RPLP0: variants seen among roughly 807,000 people sequenced by gnomAD.
RPLP0 encodes the protein large ribosomal subunit protein uL10.
For synonymous variants in RPLP0, 137 were observed against 153.4 expected, an observed-to-expected ratio of 0.89 and a Z score of 0.79; for missense variants, 276 against 402.9, an observed-to-expected ratio of 0.69 and a Z score of 2.70.
chr12:120,200,244 C>T (rs1879375805), intron 2 of RPLP0: 1 of 382,160 alleles, frequency 2.6e-6, no homozygotes, highest in Non-Finnish European at 5.2e-6. Flanking sequence ...GAAGGTGGAT[C>T]ATGAAGTCAA....
At position 120,197,622 on chromosome 12, in the gene RPLP0, C is replaced by T. The variant is rs563125270; in HGVS notation, c.652-160G>A. 144 of 762,278 alleles carry T rather than the reference C, an allele frequency of 1.9e-4. 1 individual carries two copies. The South Asian group carries it at 2.5e-3, about 13-fold the overall frequency. The allele number at this position is 762,278 out of a possible 1,614,324, so 47.2% of individuals were successfully genotyped here. A position where few individuals can be genotyped will look rare whatever the true frequency, so the allele number is the denominator to read the frequency against. ...CTCATACCAAATGCTCCTGGCAGAG[C>T]AATTCAGCCCCATCAAATAAATTTT... On this transcript the variant is annotated intron_variant, in intron 6 of 7. Transcript: ENST00000392514.
rs1210199630 is a variant in RPLP0 at position 120,197,410 on chromosome 12, G to A, written c.704C>T (p.Ala235Val). 6 of 1,613,922 alleles carry A rather than the reference G, an allele frequency of 3.7e-6. No homozygotes were observed. The highest frequency in any genetic ancestry group is 3.3e-5 in the Admixed American group (2 of 60,008). ...GTTGATGATAGAATGGGGTACTGAT[G>A]CAACAGTTGGGTAGCCAATCTGCAG... ...VCLQIGYPTV[A>V]SVPHSIINGY... Residue 235 changes from alanine to valine, a missense_variant, in exon 7 of 8, where the codon GCA becomes GTA. By Grantham distance (64) the Ala-to-Val change is moderately conservative (BLOSUM62 0). Transcript: ENST00000392514.
intron 1 of RPLP0, 100 bp from the exon 2 acceptor site, chr12:120,200,931 G>C: frequency 1.5e-6 from 2 of 1,363,882 alleles, no homozygotes; most frequent in South Asian, 3.1e-5. Flanking sequence ...CGCCGGCCCT[G>C]CCTAGGGCAG....
chr12:120,197,850 A>G (rs1376620647), intron 6 of RPLP0: 2 of 186,286 alleles, frequency 1.1e-5, no homozygotes, highest in Non-Finnish European at 2.3e-5. Context: ...AGCTAATAAT[A>G]TCTAATTATA....
In RPLP0 at chr12:120,196,913, G is replaced by T. The variant is rs760998491; in HGVS notation, c.814C>A (p.Pro272Thr). Residue 272 changes from proline (P) to threonine (T), a missense_variant, in exon 8 of 8, where the codon CCA (proline) becomes ACA (threonine). Physicochemically the swap from Pro to Thr is conservative, Grantham distance 38. Transcript: ENST00000392514. ...AEKVKAFLAD[P>T]SAFVAAAPVA... ...GGGGCAGCAGCCACAAAGGCAGATGGATCAGCCAAGAAGGCCTTGACCTGA... is the reference window on the plus strand; with the variant it reads ...GGGGCAGCAGCCACAAAGGCAGATGTATCAGCCAAGAAGGCCTTGACCTGA... The T allele has an allele frequency of 1.2e-6, 2 of 1,613,294 alleles. No individual in the cohort carries two copies. The highest frequency in any genetic ancestry group is 2.2e-5 in the South Asian group (2 of 90,926).
rs1879289516 is a variant in RPLP0, at chr12:120,198,869, G to A, written c.450C>T (p.Gly150=). The A allele has an allele frequency of 6.2e-7, 1 of 1,614,096 alleles. No individual in the cohort carries two copies. Among genetic ancestry groups the A allele is most frequent in the Non-Finnish European group, 8.5e-7 (1 of 1,179,964 alleles). Reference sequence around the variant, plus strand: ...GTCCACTCACCAGGATTTCAATGGTGCCCCTGGAGATTTTAGTGGTGATAC... The same window carrying A: ...GTCCACTCACCAGGATTTCAATGGTACCCCTGGAGATTTTAGTGGTGATAC... ...ALGITTKISR[G]TIEILSDVQL... is the part of the protein sequence containing the mutation. The change falls in exon 5 of 8, where the codon GGC becomes GGT. Residue 150 remains glycine, a synonymous_variant. Coordinates refer to ENST00000392514, the MANE Select transcript of RPLP0 (RefSeq NM_001002.4). This position sits in a 1 kb window ranked among gnomAD's most constrained non-coding sequence, Gnocchi z 4.1.
rs762276988 is a variant in RPLP0 at position 120,199,103 on chromosome 12, C to A, written c.318+15G>T. On this transcript the variant is annotated intron_variant, in intron 4 of 7. Transcript: ENST00000392514. Reference sequence around the variant, plus strand: ...AACAACAAAGTCTCTTTAGCCAACCCAATTGTCCCCTTACCTTATTGGCCA... The same window carrying A: ...AACAACAAAGTCTCTTTAGCCAACCAAATTGTCCCCTTACCTTATTGGCCA... The A allele has an allele frequency of 6.2e-7, 1 of 1,611,764 alleles. No homozygotes were observed. Among genetic ancestry groups the A allele is most frequent in the Non-Finnish European group, 8.5e-7 (1 of 1,177,864 alleles).
In RPLP0 at chr12:120,196,951, A is replaced by C. The variant is rs1329827555; in HGVS notation, c.793-17T>G. ...GGCCTTGACCTGAAAGGAGGGGGGA[A>C]GTGGTCAAAATGGTCATCCACACTC... is the stretch of plus-strand genomic sequence containing the variant. On this transcript the variant is annotated splice_polypyrimidine_tract_variant and intron_variant, in intron 7 of 7. Transcript: ENST00000392514. 4 of 1,612,786 alleles carry C rather than the reference A, an allele frequency of 2.5e-6. No homozygotes were observed. The highest frequency in any genetic ancestry group is 1.8e-4 in the Middle Eastern group (1 of 5,466).
At chr12:120,197,047 T>C (rs1393703909) in intron 7 of RPLP0, 113 bp from the exon 8 acceptor site, 6 of 1,545,282 alleles carry the variant, frequency 3.9e-6, no homozygotes, top group Admixed American at 1.8e-5. Context: ...GTGTGAAGCC[T>C]TTCCTGTCAG....
rs376911813 is a variant in RPLP0 at position 120,200,815 on chromosome 12, G to A, written c.-32C>T. On this transcript the variant is annotated 5_prime_UTR_variant, in exon 2 of 8. Transcript: ENST00000392514. ...GGTGCGTCAGGGATTGCCACGCAGG[G>A]TTTAAAGACGATGTCACTGAGGAGA... 7.2e-5 allele frequency: 115 copies of A among 1,605,464 alleles called. No homozygotes were observed. The highest frequency in any genetic ancestry group is 9.1e-5 in the Non-Finnish European group (107 of 1,176,938).
chr12:120,200,359 A>G (rs759052218), intron 2 of RPLP0: 9 of 323,938 alleles, frequency 2.8e-5, no homozygotes, highest in Non-Finnish European at 5.4e-5. Context: ...GCTACTCGGG[A>G]GGCTGAAGCA....
rs1278508805 is a variant in RPLP0 at position 120,197,403 on chromosome 12, T to C, written c.711A>G (p.Val237=). ...LQIGYPTVAS[V]PHSIINGYKR... is the part of the protein sequence containing the mutation. Reference sequence around the variant, plus strand: ...TGTACCCGTTGATGATAGAATGGGGTACTGATGCAACAGTTGGGTAGCCAA... The same window carrying C: ...TGTACCCGTTGATGATAGAATGGGGCACTGATGCAACAGTTGGGTAGCCAA... Residue 237 remains valine (V), a synonymous_variant, in exon 7 of 8, where the codon GTA becomes GTG. Transcript: ENST00000392514. 1.2e-6 allele frequency: 2 copies of C among 1,613,784 alleles called. No individual in the cohort carries two copies. The highest frequency in any genetic ancestry group is 2.2e-5 in the East Asian group (1 of 44,880).
Position 120,199,214 on chromosome 12 carries a change from A to G in RPLP0, c.231-9T>C. Reference sequence around the variant, plus strand: ...GGATATGAGGCAGCAGTCTGCAAAGAGAAGTTTATGGGAGACAATCACCTT... The same window carrying G: ...GGATATGAGGCAGCAGTCTGCAAAGGGAAGTTTATGGGAGACAATCACCTT... On this transcript the variant is annotated splice_polypyrimidine_tract_variant and intron_variant, in intron 3 of 7. Coordinates refer to ENST00000392514, the MANE Select transcript of RPLP0 (RefSeq NM_001002.4). The G allele has an allele frequency of 1.2e-6, 2 of 1,613,866 alleles. No individual in the cohort carries two copies. The highest frequency in any genetic ancestry group is 1.7e-6 in the Non-Finnish European group (2 of 1,179,706).
chr12:120,198,385 CCAAA>C lies in RPLP0; in HGVS notation c.651+165_651+168del. On this transcript the variant is annotated intron_variant, in intron 6 of 7. Transcript: ENST00000392514. This position sits in a 1 kb window ranked among gnomAD's most constrained non-coding sequence, Gnocchi z 4.1. Reference sequence around the variant, plus strand: ...TGGGCGACACAGCAAGACTCTGTCTCCAAAAAAAAAAAAAAAAAATCCTTCAACA... The same window carrying C: ...TGGGCGACACAGCAAGACTCTGTCTCAAAAAAAAAAAAAAATCCTTCAACA... 1 of 679,080 alleles carries C rather than the reference CCAAA, an allele frequency of 1.5e-6. No individual in the cohort carries two copies. The highest frequency in any genetic ancestry group is 2.3e-6 in the Non-Finnish European group (1 of 429,482). The allele number at this position is 679,080 out of a possible 1,614,324, so 42.1% of individuals were successfully genotyped here.
Position 120,198,646 on chromosome 12 carries a change from G to A in RPLP0, c.559C>T (p.Leu187=). 1.2e-6 allele frequency: 2 copies of A among 1,614,068 alleles called. No individual in the cohort carries two copies. The highest frequency in any genetic ancestry group is 1.1e-5 in the South Asian group (1 of 91,082). The change falls in exon 6 of 8, where the codon CTG becomes TTG. Residue 187 remains leucine (L), a synonymous_variant. Transcript: ENST00000392514. The surrounding 1 kb of genome is among the most constrained non-coding windows in gnomAD (Gnocchi z 4.1). ...MLNISPFSFG[L]VIQQVFDNGS... ...TTGTCGAACACCTGCTGGATGACCAGCCCAAAGGAGAAGGGGGAGATGTTG... is the reference window on the plus strand; with the variant it reads ...TTGTCGAACACCTGCTGGATGACCAACCCAAAGGAGAAGGGGGAGATGTTG...
rs568114402 is a variant in RPLP0, at chr12:120,198,316, G to A, written c.651+238C>T. Reference sequence around the variant, plus strand: ...AGGAGAATGGTGTGAACCCGGAGGCGGAGCTTGCAGTGAGCCGGGAGATTG... The same window carrying A: ...AGGAGAATGGTGTGAACCCGGAGGCAGAGCTTGCAGTGAGCCGGGAGATTG... On this transcript the variant is annotated intron_variant, in intron 6 of 7. Coordinates refer to ENST00000392514, the MANE Select transcript of RPLP0 (RefSeq NM_001002.4). The surrounding 1 kb of genome is among the most constrained non-coding windows in gnomAD (Gnocchi z 4.1). 3.5e-5 allele frequency: 17 copies of A among 484,728 alleles called. No homozygotes were observed. The highest frequency in any genetic ancestry group is 1.2e-4 in the African/African-American group (6 of 50,790). 30.0% of individuals were successfully genotyped at this position (484,728 alleles called of 1,614,324 possible).
chr12:120,199,682 A>G, intron 2 of RPLP0, 197 bp from the exon 3 acceptor site: 1 of 580,250 alleles, frequency 1.7e-6, no homozygotes, highest in South Asian at 2.2e-5. Context: ...GCTGAAAATT[A>G]GGTTTCTACA....
intron 7 of RPLP0, 84 bp from the exon 8 acceptor site, chr12:120,197,018 AC>A: frequency 6.3e-7 from 1 of 1,587,568 alleles, no homozygotes; most frequent in Non-Finnish European, 8.6e-7. Context: ...GAGTTTAAGG[AC>A]CAACAATATC....
At chr12:120,200,901 G>T in intron 1 of RPLP0, 70 bp from the exon 2 acceptor site, 3 of 1,477,472 alleles carry the variant, frequency 2.0e-6, no homozygotes, top group Non-Finnish European at 2.7e-6. Context: ...CCTAAGAGGA[G>T]CAGGACACGC....
Sources: allele counts gnomAD v4.1 joint callset, GRCh38; gene constraint gnomAD v4.1.1; non-coding constraint Gnocchi (gnomAD v3.1); transcripts MANE v1.5; gene names NCBI Gene and HGNC (gene_info 2026-07-23, HGNC 2026-07-21).